The following PDE3A variants were observed in gnomAD, a reference collection of about 807,000 sequenced individuals.
The protein encoded by PDE3A is cGMP-inhibited 3',5'-cyclic phosphodiesterase 3A.
PDE3A carries 43 observed loss-of-function variants against 98.3 expected under a neutral mutation model. The ratio of observed to expected loss-of-function variants is 0.44; its 90% CI spans 0.34 to 0.56. The LOEUF is 0.56. Ranked by LOEUF, PDE3A falls within the 20% of genes least tolerant of loss-of-function variation. The pLI is 0.01. For missense variants in PDE3A, 1,427 were observed against 1,440.7 expected, an observed-to-expected ratio of 0.99 and a Z score of 0.15; for synonymous variants, 663 against 567.9, an observed-to-expected ratio of 1.17 and a Z score of -2.38.
At chr12:20,454,207 A>AT (rs1464127050) in intron 1 of PDE3A, among the ~76,000 whole-genome samples, 2 of 152,174 alleles carry the variant, frequency 1.3e-5, no homozygotes, top group Non-Finnish European at 2.9e-5. Context: ...TTTACCTTGG[A>AT]TTTTTTGTGC....
chr12:20,447,481 C>G (rs919520890), intron 1 of PDE3A, among the ~76,000 whole-genome samples: 1 of 152,068 alleles, frequency 6.6e-6, no homozygotes, highest in Non-Finnish European at 1.5e-5. Context: ...TTACTAATGG[C>G]CAGTGATACA....
chr12:20,571,884 T>C, intron 2 of PDE3A: 1 of 1,036,154 alleles, frequency 9.7e-7, no homozygotes, highest in East Asian at 1.0e-4. Flanking sequence ...CCAATAGTGA[T>C]TGCCACCCAT....
chr12:20,479,437 C>T (rs1251143323), intron 1 of PDE3A, among the ~76,000 whole-genome samples: 1 of 152,138 alleles, frequency 6.6e-6, no homozygotes, highest in Non-Finnish European at 1.5e-5. Context: ...ACCTAAATTT[C>T]TTTCAGTGTT....
intron 2 of PDE3A, among the ~76,000 whole-genome samples, chr12:20,557,974 G>A (rs1159420432): frequency 6.6e-6 from 1 of 152,064 alleles, no homozygotes; most frequent in African/African-American, 2.4e-5. Flanking sequence ...CAGTAAAAAT[G>A]TAAAGATAAG....
intron 1 of PDE3A, among the ~76,000 whole-genome samples, chr12:20,384,140 A>G (rs1453274667): frequency 1.3e-5 from 2 of 150,020 alleles, no homozygotes; most frequent in East Asian, 3.9e-4. Context: ...ATAAAGGAAT[A>G]TTTATCTTTA....
At position 20,482,586 on chromosome 12, in the gene PDE3A, C is replaced by A. The variant is rs545574123; in HGVS notation, c.961-74074C>A. 2.6e-4 allele frequency among the ~76,000 whole-genome samples: 39 copies of A among 152,202 alleles called. 1 individual carries two copies. Among genetic ancestry groups the A allele is most frequent in the African/African-American group, 9.4e-4 (39 of 41,538 alleles). On this transcript the variant is annotated intron_variant, in intron 1 of 15. Coordinates refer to ENST00000359062, the MANE Select transcript of PDE3A (RefSeq NM_000921.5). ...AAATAAAAGTTTTTTTCTCAATGGA[C>A]AAAATTGGAACTAAGTATGTCTGAC...
chr12:20,613,684 A>T lies in PDE3A; in HGVS notation c.1253A>T (p.Lys418Met). The T allele has an allele frequency of 1.2e-6, 2 of 1,613,910 alleles. No homozygotes were observed. The highest frequency in any genetic ancestry group is 4.5e-5 in the East Asian group (2 of 44,872). Reference sequence around the variant, plus strand: ...TCTGAAGAGAGCTCTGAAAAAGACAAGCTTGCTATTCCAAAGGTAGGTAGT... The same window carrying T: ...TCTGAAGAGAGCTCTGAAAAAGACATGCTTGCTATTCCAAAGGTAGGTAGT... ...SDSEESSEKD[K>M]LAIPKRLRRS... The change falls in exon 3 of 16, where the codon AAG becomes ATG. Residue 418 changes from lysine to methionine, a missense_variant. Physicochemically the swap from Lys to Met is moderately conservative, Grantham distance 95. Coordinates refer to ENST00000359062, the MANE Select transcript of PDE3A (RefSeq NM_000921.5).
At chr12:20,636,590 AT>A (rs1488595297) in intron 8 of PDE3A, among the ~76,000 whole-genome samples, 2 of 152,176 alleles carry the variant, frequency 1.3e-5, no homozygotes, top group Non-Finnish European at 2.9e-5. Flanking sequence ...ATTAATGTCC[AT>A]TTTAAAGCAT....
At chr12:20,490,980 A>C (rs937723575) in intron 1 of PDE3A, among the ~76,000 whole-genome samples, 1 of 152,146 alleles carries the variant, frequency 6.6e-6, no homozygotes, top group Non-Finnish European at 1.5e-5. Flanking sequence ...ATGTGCCTGT[A>C]GTCCTAGCTA....
chr12:20,644,330 T>A (rs1184734796), intron 10 of PDE3A, among the ~76,000 whole-genome samples: 1 of 152,216 alleles, frequency 6.6e-6, no homozygotes, highest in Non-Finnish European at 1.5e-5. Context: ...ATGAATAATG[T>A]TTACACAAAT....
chr12:20,413,626 C>A (rs545556086), intron 1 of PDE3A, among the ~76,000 whole-genome samples: 1 of 152,230 alleles, frequency 6.6e-6, no homozygotes, highest in East Asian at 1.9e-4. Context: ...AGCTGAGCAA[C>A]AAGTGTGAGA....
intron 1 of PDE3A, among the ~76,000 whole-genome samples, chr12:20,415,260 T>C (rs1478711921): frequency 1.3e-5 from 2 of 152,048 alleles, no homozygotes; most frequent in African/African-American, 4.8e-5. Context: ...AACATGTGTC[T>C]GAATTGTAGT....
chr12:20,401,048 G>T (rs1944120128), intron 1 of PDE3A, among the ~76,000 whole-genome samples: 1 of 152,106 alleles, frequency 6.6e-6, no homozygotes, highest in Non-Finnish European at 1.5e-5. Flanking sequence ...TCCTGTTTCT[G>T]TTACACTAGA....
chr12:20,531,384 G>A (rs937733801), intron 1 of PDE3A, among the ~76,000 whole-genome samples: 14 of 151,968 alleles, frequency 9.2e-5, no homozygotes, highest in African/African-American at 3.1e-4. Context: ...TCTATACTTC[G>A]GATACTTGAC....
intron 2 of PDE3A, among the ~76,000 whole-genome samples, chr12:20,567,961 C>G (rs1219629101): frequency 6.6e-6 from 1 of 151,716 alleles, no homozygotes; most frequent in Non-Finnish European, 1.5e-5. Context: ...GATAAATAAT[C>G]ATACCAAACT....
In PDE3A at chr12:20,681,882, G is replaced by T. The variant is rs1424123478; in HGVS notation, c.*1611G>T. ...TTGATGTAAATATGAAGATTTTTTT[G>T]TTTCTGTAGATAGTAAACTCTTTTT... On this transcript the variant is annotated 3_prime_UTR_variant, in exon 16 of 16. Transcript: ENST00000359062. 2.6e-5 allele frequency: 4 copies of T among 151,666 alleles called. No homozygotes were observed. Among genetic ancestry groups the T allele is most frequent in the African/African-American group, 9.7e-5 (4 of 41,338 alleles). The allele number at this position is 151,666 out of a possible 1,614,324, so 9.4% of individuals were successfully genotyped here.
intron 1 of PDE3A, among the ~76,000 whole-genome samples, chr12:20,489,823 C>T (rs1006334753): frequency 1.3e-5 from 2 of 152,108 alleles, no homozygotes; most frequent in East Asian, 1.9e-4. Flanking sequence ...ACATTTATGC[C>T]CCAATAATGA....
chr12:20,490,332 A>T (rs1945806809), intron 1 of PDE3A, among the ~76,000 whole-genome samples: 1 of 152,238 alleles, frequency 6.6e-6, no homozygotes, highest in African/African-American at 2.4e-5. Context: ...TGATCCTTGA[A>T]TATTTGGAAA....
At chr12:20,494,093 A>T (rs909399140) in intron 1 of PDE3A, among the ~76,000 whole-genome samples, 3 of 152,198 alleles carry the variant, frequency 2.0e-5, no homozygotes, top group African/African-American at 7.2e-5. Flanking sequence ...TTTGGATTCA[A>T]GTGAAGCAAG....
Sources: allele counts gnomAD v4.1 joint callset (sites outside exome capture counted in the v4.1 genomes callset), GRCh38; gene constraint gnomAD v4.1.1; transcripts MANE v1.5; gene names NCBI Gene and HGNC (gene_info 2026-07-23, HGNC 2026-07-21).